Variants in LAMB4 observed in about 807,000 individuals in gnomAD.
LAMB4 encodes laminin subunit beta-4.
LAMB4 carries 196 observed loss-of-function variants against 199.2 expected under a neutral mutation model. That is an observed-to-expected ratio of 0.98 (90% CI 0.88 to 1.11). LAMB4 has a LOEUF of 1.11. LAMB4 is among the 50% of genes least tolerant of loss of function. The pLI is 0.00. For missense variants in LAMB4, 2,080 were observed against 2,171.2 expected (o/e 0.96, Z 0.83); for synonymous variants, 744 against 770.6 (o/e 0.97, Z 0.57).
At chr7:108,098,678 T>A (rs960184560) in intron 10 of LAMB4, 96 bp from the exon 11 acceptor site, 2 of 1,006,254 alleles carry the variant, frequency 2.0e-6, no homozygotes, top group Admixed American at 3.1e-5. Context: ...ACTATCTTGC[T>A]TTGTTTAAAT....
Position 108,098,439 on chromosome 7 carries a change from A to G in LAMB4, c.1324T>C (p.Tyr442His). The change falls in exon 11 of 34, where the codon TAC becomes CAC. Residue 442 changes from tyrosine to histidine, a missense_variant. Physicochemically the swap from Tyr to His is moderately conservative, Grantham distance 83. Transcript: ENST00000388781. ...AKCDQCKPNH[Y>H]GLSATDPLGC... is the part of the protein sequence containing the mutation. Reference sequence around the variant, plus strand: ...AGGGGGTCGGTGGCGCTTAGTCCGTAGTGGTTGGGTTTGCACTGGTCGCAT... The same window carrying G: ...AGGGGGTCGGTGGCGCTTAGTCCGTGGTGGTTGGGTTTGCACTGGTCGCAT... 2 of 1,610,876 alleles carry G rather than the reference A, an allele frequency of 1.2e-6. No homozygotes were observed. The highest frequency in any genetic ancestry group is 8.5e-7 in the Non-Finnish European group (1 of 1,178,842).
intron 33 of LAMB4, among the ~76,000 whole-genome samples, chr7:108,025,038 A>G (rs2034783934): frequency 6.6e-6 from 1 of 152,242 alleles, no homozygotes; most frequent in African/African-American, 2.4e-5. Context: ...AGTAATTGTC[A>G]AACTAACATG....
At chr7:108,040,701 A>G (rs2035393288) in intron 29 of LAMB4, among the ~76,000 whole-genome samples, 1 of 152,254 alleles carries the variant, frequency 6.6e-6, no homozygotes, top group Non-Finnish European at 1.5e-5. Flanking sequence ...ATAACTGGCT[A>G]GCCATATGCA....
chr7:108,038,834 C>T (rs920825749), intron 29 of LAMB4, among the ~76,000 whole-genome samples: 1 of 152,174 alleles, frequency 6.6e-6, no homozygotes, highest in Non-Finnish European at 1.5e-5. Flanking sequence ...ACCTACAATT[C>T]CCATAGGGAA....
At chr7:108,019,773 G>A (rs1260081510), downstream of LAMB4, among the ~76,000 whole-genome samples, 1 of 152,146 alleles carries the variant, frequency 6.6e-6, no homozygotes, top group African/African-American at 2.4e-5. Flanking sequence ...TTTCCAGCCT[G>A]AGCCTCATGA....
At chr7:108,040,244 C>T (rs541343187) in intron 29 of LAMB4, among the ~76,000 whole-genome samples, 18 of 152,180 alleles carry the variant, frequency 1.2e-4, no homozygotes, top group South Asian at 2.1e-4. Flanking sequence ...CAAAACACTG[C>T]GCAAAGAATC....
intron 2 of LAMB4, among the ~76,000 whole-genome samples, chr7:108,122,574 G>A (rs1184782710): frequency 6.6e-6 from 1 of 152,204 alleles, no homozygotes; most frequent in Non-Finnish European, 1.5e-5. Context: ...AAGATTCTAA[G>A]CAATTTAGTT....
chr7:108,070,064 T>C (rs2036480469), intron 17 of LAMB4, among the ~76,000 whole-genome samples, 179 bp from the exon 18 acceptor site: 1 of 152,194 alleles, frequency 6.6e-6, no homozygotes, highest in Non-Finnish European at 1.5e-5. Context: ...AATCTTTAAA[T>C]ATTTATATTT....
intron 33 of LAMB4, chr7:108,026,989 TC>T: frequency 2.2e-6 from 1 of 464,474 alleles, no homozygotes; most frequent in Non-Finnish European, 4.2e-6. Context: ...AACTTCAACT[TC>T]TCTTCCAATC....
In LAMB4 at chr7:108,037,503, G is replaced by A. The variant is rs1043309977; in HGVS notation, c.4564C>T (p.Leu1522Phe). The change falls in exon 30 of 34, where the codon CTT becomes TTT. Residue 1522 changes from leucine to phenylalanine, a missense_variant. Transcript: ENST00000388781. ...PIPSQNLTDE[L>F]VKIQKHMQLC... is the part of the protein sequence containing the mutation. ...TGCATATGTTTCTGTATTTTGACAA[G>A]TTCATCGGTTAGATTTTGGGATGGA... 55 of 1,613,866 alleles carry A rather than the reference G, an allele frequency of 3.4e-5. No homozygotes were observed. The highest frequency in any genetic ancestry group is 4.5e-5 in the Non-Finnish European group (53 of 1,179,930).
intron 23 of LAMB4, chr7:108,062,524 T>C (rs2036198230): frequency 3.3e-6 from 1 of 300,648 alleles, no homozygotes; most frequent in Non-Finnish European, 6.1e-6. Context: ...TGTTTCACTG[T>C]GTATGAATTC....
intron 14 of LAMB4, among the ~76,000 whole-genome samples, chr7:108,081,112 G>GAATAAAATAA (rs1034728607): frequency 1.3e-5 from 2 of 151,984 alleles, no homozygotes; most frequent in Admixed American, 1.3e-4. Flanking sequence ...ACAGAGCGAG[G>GAATAAAATAA]AATAAAATAA....
chr7:108,019,157 T>C (rs764246047), downstream of LAMB4, among the ~76,000 whole-genome samples: 1 of 152,052 alleles, frequency 6.6e-6, no homozygotes, highest in Non-Finnish European at 1.5e-5. Flanking sequence ...AAAAGTCCAA[T>C]TCAGGGCTAA....
intron 5 of LAMB4, 34 bp downstream of exon 5, chr7:108,109,137 A>G (rs2038128546): frequency 6.8e-7 from 1 of 1,474,552 alleles, no homozygotes; most frequent in South Asian, 1.1e-5. Context: ...TAGGGAATAG[A>G]TAAAAGAGGG....
chr7:108,049,487 C>G lies in LAMB4; in HGVS notation c.3961G>C (p.Ala1321Pro). The G allele has an allele frequency of 6.2e-7, 1 of 1,606,108 alleles. No individual in the cohort carries two copies. Among genetic ancestry groups the G allele is most frequent in the Non-Finnish European group, 8.5e-7 (1 of 1,174,008 alleles). ...IKKYYHISSSAEKKINETSST... is the reference protein window; with the variant it reads ...IKKYYHISSSPEKKINETSST... ...CTAGTTTCATTAATTTTCTTTTCAGCAGATGATGATATGTGATAATATTTC... is the reference window on the plus strand; with the variant it reads ...CTAGTTTCATTAATTTTCTTTTCAGGAGATGATGATATGTGATAATATTTC... Residue 1321 changes from alanine (A) to proline (P), a missense_variant, in exon 27 of 34, where the codon GCT (alanine) becomes CCT (proline). Coordinates refer to ENST00000388781, the MANE Select transcript of LAMB4 (RefSeq NM_007356.3).
Position 108,029,091 on chromosome 7 carries a change from C to T in LAMB4, c.5098G>A (p.Ala1700Thr). The T allele has an allele frequency of 6.2e-7, 1 of 1,614,032 alleles. No individual in the cohort carries two copies. The highest frequency in any genetic ancestry group is 8.5e-7 in the Non-Finnish European group (1 of 1,179,968). ...LGKVKQLKDA[A>T]EKLAGDTEAK... ...TCTGTATCTCCAGCCAATTTTTCTGCCGCATCTTTTAGCTGTTTAACTTTT... is the reference window on the plus strand; with the variant it reads ...TCTGTATCTCCAGCCAATTTTTCTGTCGCATCTTTTAGCTGTTTAACTTTT... The change falls in exon 33 of 34, where the codon GCA becomes ACA. Residue 1700 changes from alanine (A) to threonine (T), a missense_variant. Transcript: ENST00000388781.
At position 108,047,999 on chromosome 7, in the gene LAMB4, A is replaced by T. The variant is rs1160677547; in HGVS notation, c.4235T>A (p.Leu1412Gln). 6.2e-7 allele frequency: 1 copy of T among 1,614,060 alleles called. No homozygotes were observed. Among genetic ancestry groups the T allele is most frequent in the East Asian group, 2.2e-5 (1 of 44,894 alleles). The change falls in exon 28 of 34, where the codon CTG becomes CAG. Residue 1412 changes from leucine to glutamine, a missense_variant. Transcript: ENST00000388781. Reference protein sequence around the residue: ...KCRGPGCHGSLTLSTNALQKA... With the variant: ...KCRGPGCHGSQTLSTNALQKA... ...TTGGAGGGCATTCGTTGAGAGGGTC[A>T]GGGAGCCGTGACAGCCGGGACCCCT...
At chr7:108,119,322 A>G (rs2038518635) in intron 2 of LAMB4, among the ~76,000 whole-genome samples, 1 of 152,276 alleles carries the variant, frequency 6.6e-6, no homozygotes, top group Admixed American at 6.5e-5. Flanking sequence ...TCACACAAAA[A>G]CCCTATACAA....
At chr7:108,093,635 G>A (rs2037492338) in intron 12 of LAMB4, among the ~76,000 whole-genome samples, 1 of 152,104 alleles carries the variant, frequency 6.6e-6, no homozygotes, top group African/African-American at 2.4e-5. Context: ...TAAACAGCTG[G>A]TGAGATACAA....
Sources: allele counts gnomAD v4.1 joint callset (sites outside exome capture counted in the v4.1 genomes callset), GRCh38; gene constraint gnomAD v4.1.1; transcripts MANE v1.5; gene names NCBI Gene and HGNC (gene_info 2026-07-23, HGNC 2026-07-21).